DEPDC5: variants seen among roughly 807,000 people sequenced by gnomAD.
DEPDC5 encodes the protein DEP domain containing 5, GATOR1 subcomplex subunit.
Under a neutral mutation model 217.3 loss-of-function variants are expected in DEPDC5, and 73 were observed. The ratio of observed to expected loss-of-function variants is 0.34; its 90% CI spans 0.28 to 0.41. The LOEUF (loss-of-function observed/expected upper bound fraction) is 0.41. Among genes scored for constraint, DEPDC5 ranks in the 10% least tolerant of loss-of-function variants. The probability of loss-of-function intolerance (pLI) is 1.00; values close to 1 mark genes in which losing one functional copy is unlikely to be tolerated. For missense variants in DEPDC5, 1,675 were observed against 2,070.1 expected, an observed-to-expected ratio of 0.81 and a Z score of 3.70; for synonymous variants, 733 against 756.7, an observed-to-expected ratio of 0.97 and a Z score of 0.51.
intron 31 of DEPDC5, chr22:31,853,536 T>G (rs2092138686): frequency 6.6e-6 from 1 of 152,242 alleles, no homozygotes. Context: ...AGATTCCATT[T>G]TATTATGCAA....
intron 24 of DEPDC5, among the ~76,000 whole-genome samples, chr22:31,831,648 A>G (rs907588201): frequency 1.3e-5 from 2 of 152,076 alleles, no homozygotes; most frequent in Non-Finnish European, 2.9e-5. Flanking sequence ...TTTAGTAGAG[A>G]CGAGGTTTCA....
At chr22:31,757,051 G>T (rs1232990114) in intron 2 of DEPDC5, among the ~76,000 whole-genome samples, 4 of 151,780 alleles carry the variant, frequency 2.6e-5, no homozygotes, top group Non-Finnish European at 5.9e-5. Context: ...AGTTTGGTAA[G>T]ATAGACATGC....
At chr22:31,801,355 A>C (rs1470949907) in intron 14 of DEPDC5, among the ~76,000 whole-genome samples, 1 of 152,138 alleles carries the variant, frequency 6.6e-6, no homozygotes, top group Non-Finnish European at 1.5e-5. Flanking sequence ...CTAGAATTTG[A>C]ATATGGAGAG....
At chr22:31,832,320 T>C (rs1454580055) in intron 24 of DEPDC5, among the ~76,000 whole-genome samples, 1 of 152,204 alleles carries the variant, frequency 6.6e-6, no homozygotes, top group Non-Finnish European at 1.5e-5. Context: ...GATTGCTGGG[T>C]CAAATGGTAA....
At chr22:31,881,703 T>A (rs980327948) in intron 38 of DEPDC5, among the ~76,000 whole-genome samples, 1 of 152,052 alleles carries the variant, frequency 6.6e-6, no homozygotes, top group African/African-American at 2.4e-5. Flanking sequence ...CCCAGCACTT[T>A]GGGAGGCTGA....
chr22:31,761,677 A>G (rs2082400918), intron 4 of DEPDC5, among the ~76,000 whole-genome samples: 1 of 151,362 alleles, frequency 6.6e-6, no homozygotes, highest in Non-Finnish European at 1.5e-5. Flanking sequence ...AAAAAAAAAA[A>G]AAAAAATAGG....
chr22:31,780,324 A>C lies in DEPDC5; in HGVS notation c.483+2156A>C, dbSNP rs140526854. Among the ~76,000 whole-genome samples, 5 of 152,286 alleles carry C rather than the reference A, an allele frequency of 3.3e-5. No homozygotes were observed. In the East Asian group the frequency reaches 9.6e-4, roughly 29 times the overall value. ...AAGGAAAGAGAAGTACTGAAGAGCT[A>C]GGTAGATGGTGGTGCCATTTATGAG... On this transcript the variant is annotated intron_variant, in intron 8 of 42. Transcript: ENST00000651528.
At chr22:31,761,043 G>A (rs1601602634) in intron 4 of DEPDC5, among the ~76,000 whole-genome samples, 2 of 151,212 alleles carry the variant, frequency 1.3e-5, no homozygotes, top group East Asian at 3.9e-4. Flanking sequence ...GTGCAGTGGC[G>A]CGATCTCGGC....
chr22:31,830,093 G>T (rs2090471883), intron 24 of DEPDC5, among the ~76,000 whole-genome samples: 1 of 152,198 alleles, frequency 6.6e-6, no homozygotes, highest in African/African-American at 2.4e-5. Flanking sequence ...ATTTCTCCAG[G>T]CCAGGTCAGT....
chr22:31,813,725 A>G (rs1459886540), intron 20 of DEPDC5, among the ~76,000 whole-genome samples: 1 of 151,878 alleles, frequency 6.6e-6, no homozygotes, highest in Non-Finnish European at 1.5e-5. Context: ...TTATTAGGAA[A>G]TGTTCAGACG....
At chr22:31,770,146 A>AGGTGGGAGGGC (rs2083208268) in intron 7 of DEPDC5, among the ~76,000 whole-genome samples, 2 of 150,632 alleles carry the variant, frequency 1.3e-5, no homozygotes, top group African/African-American at 4.9e-5. Context: ...AGGTGGGAGG[A>AGGTGGGAGGGC]TCGCCTGAGC....
intron 31 of DEPDC5, among the ~76,000 whole-genome samples, chr22:31,856,232 GACAC>G (rs58670229): frequency 4.2e-5 from 6 of 143,734 alleles, no homozygotes; most frequent in Admixed American, 7.0e-5. Context: ...CATTGCCTAT[GACAC>G]ACACACACAC....
intron 39 of DEPDC5, chr22:31,893,993 G>T: frequency 2.7e-6 from 1 of 373,880 alleles, no homozygotes; most frequent in South Asian, 4.5e-5. Context: ...ATAATTCTCT[G>T]TGGGGGAGTC....
intron 32 of DEPDC5, chr22:31,858,804 G>A (rs1311862813): frequency 1.3e-5 from 2 of 152,216 alleles, no homozygotes; most frequent in African/African-American, 4.8e-5. Flanking sequence ...TTATTCTACA[G>A]TATACCACAG....
At chr22:31,784,046 C>T (rs1205018299) in intron 9 of DEPDC5, 61 bp downstream of exon 9, 1 of 1,397,846 alleles carries the variant, frequency 7.2e-7, no homozygotes, top group Non-Finnish European at 9.9e-7. Flanking sequence ...ACTGCAAATG[C>T]TAATTCATGA....
At chr22:31,894,796 GAT>G (rs1443082209) in intron 39 of DEPDC5, 1 of 150,376 alleles carries the variant, frequency 6.6e-6, no homozygotes, top group Non-Finnish European at 1.5e-5. Flanking sequence ...AGTGAGCCAA[GAT>G]CATGCTACTG....
intron 25 of DEPDC5, among the ~76,000 whole-genome samples, chr22:31,835,517 A>C (rs1276676415): frequency 9.2e-5 from 14 of 152,228 alleles, no homozygotes. Flanking sequence ...TTGTGTGCCC[A>C]GCAGAAAGCA....
intron 25 of DEPDC5, 102 bp downstream of exon 25, chr22:31,834,082 G>A (rs778571312): frequency 8.7e-7 from 1 of 1,145,690 alleles, no homozygotes; most frequent in Non-Finnish European, 1.3e-6. Flanking sequence ...GAGTGGTCCT[G>A]AGGTACACAT....
chr22:31,825,621 A>G (rs2090083768), intron 24 of DEPDC5, among the ~76,000 whole-genome samples: 1 of 151,874 alleles, frequency 6.6e-6, no homozygotes, highest in Non-Finnish European at 1.5e-5. Flanking sequence ...CTCCGTTCTC[A>G]CTGCATTGTT....
Sources: allele counts gnomAD v4.1 joint callset (sites outside exome capture counted in the v4.1 genomes callset), GRCh38; gene constraint gnomAD v4.1.1; transcripts MANE v1.5; gene names NCBI Gene and HGNC (gene_info 2026-07-23, HGNC 2026-07-21).